VSIG1: variants seen among roughly 807,000 people sequenced by gnomAD.
VSIG1 encodes V-set and immunoglobulin domain containing 1.
Under a neutral mutation model 20.1 loss-of-function variants are expected in VSIG1, and 11 were observed. The ratio of observed to expected loss-of-function variants is 0.55; its 90% CI spans 0.34 to 0.91. The LOEUF (loss-of-function observed/expected upper bound fraction) is 0.91, where lower values mean the gene tolerates loss of function less well. Among genes scored for constraint, VSIG1 ranks in the 40% least tolerant of loss-of-function variants. VSIG1 has a pLI of 0.02. For synonymous variants in VSIG1, 126 were observed against 116.7 expected (o/e 1.08, Z -0.52); for missense variants, 283 against 298.8 (o/e 0.95, Z 0.39).
chrX:108,032,189 GTCAAC>G, the VSIG1 span, among the ~76,000 whole-genome samples: 1 of 112,512 alleles, frequency 8.9e-6, no homozygotes, highest in Non-Finnish European at 1.9e-5. Flanking sequence ...GTCATTTCAT[GTCAAC>G]TCATCTTTGT....
intron 3 of VSIG1, among the ~76,000 whole-genome samples, chrX:108,071,673 C>A (rs1286804004): frequency 9.0e-6 from 1 of 110,646 alleles, no homozygotes; most frequent in Non-Finnish European, 1.9e-5. Flanking sequence ...TCATCCCTCT[C>A]CCACCCCACT....
At chrX:108,024,441 T>C in the VSIG1 span, among the ~76,000 whole-genome samples, 1 of 109,719 alleles carries the variant, frequency 9.1e-6, no homozygotes, top group Admixed American at 9.8e-5. Flanking sequence ...CGCTATCTCA[T>C]TTATTTGTGC....
chrX:108,025,561 A>G, the VSIG1 span, among the ~76,000 whole-genome samples: 1 of 112,739 alleles, frequency 8.9e-6, no homozygotes, highest in South Asian at 3.6e-4. Context: ...ATATATGCGC[A>G]ATTGTGTGTG....
the VSIG1 span, among the ~76,000 whole-genome samples, chrX:108,027,569 A>T: frequency 8.9e-6 from 1 of 112,124 alleles, no homozygotes; most frequent in Non-Finnish European, 1.9e-5. Flanking sequence ...TTAGATGGTG[A>T]TGTTGGTTGC....
intron 3 of VSIG1, 136 bp from the exon 4 acceptor site, chrX:108,072,541 C>G: frequency 1.5e-6 from 1 of 653,972 alleles, no homozygotes; most frequent in South Asian, 3.3e-5. Flanking sequence ...GCATGAGCCA[C>G]TGCGCCTGGC....
At position 108,047,969 on chromosome X, in the gene VSIG1, T is replaced by TATATATACAC. The variant is rs1569287475; in HGVS notation, c.49+2797_49+2798insCACATATATA. Among the ~76,000 whole-genome samples the TATATATACAC allele has an allele frequency of 8.0e-3, 346 of 43,047 alleles. 25 individuals carry two copies. Among genetic ancestry groups the TATATATACAC allele is most frequent in the Non-Finnish European group, 0.012 (280 of 23,922 alleles). The allele number at this position is 43,047 out of a possible 115,157, so 37.4% of individuals were successfully genotyped here. ...ATATATATATACACACACATATATA[T>TATATATACAC]ATATATATATATATATATATATATA... is the stretch of plus-strand genomic sequence containing the variant. On this transcript the variant is annotated intron_variant, in intron 1 of 6. Coordinates refer to ENST00000217957, the MANE Select transcript of VSIG1 (RefSeq NM_182607.5).
the VSIG1 span, among the ~76,000 whole-genome samples, chrX:108,023,960 G>A: frequency 9.0e-6 from 1 of 111,569 alleles, no homozygotes; most frequent in Non-Finnish European, 1.9e-5. Flanking sequence ...TAGGGCAGGG[G>A]AAATGTGGCT....
At chrX:108,030,322 T>C in the VSIG1 span, among the ~76,000 whole-genome samples, 1 of 111,856 alleles carries the variant, frequency 8.9e-6, no homozygotes, top group Non-Finnish European at 1.9e-5. Flanking sequence ...AGAAAACAAG[T>C]TAACCTTTCC....
chrX:108,058,799 G>T (rs2030962820), intron 2 of VSIG1, among the ~76,000 whole-genome samples: 3 of 111,633 alleles, frequency 2.7e-5, no homozygotes, highest in Non-Finnish European at 5.7e-5. Flanking sequence ...TGCCAGAAAA[G>T]GATGGGTTGA....
chrX:108,057,178 G>A (rs779210662), intron 1 of VSIG1, among the ~76,000 whole-genome samples: 2 of 112,277 alleles, frequency 1.8e-5, no homozygotes, highest in South Asian at 3.7e-4. Context: ...TAACATTTAT[G>A]AAGTGACAGA....
At chrX:108,070,408 G>C (rs1255863177) in intron 3 of VSIG1, among the ~76,000 whole-genome samples, 1 of 111,052 alleles carries the variant, frequency 9.0e-6, no homozygotes, top group African/African-American at 3.3e-5. Context: ...TTTGGGACTT[G>C]GTTCAAAGTG....
intron 1 of VSIG1, among the ~76,000 whole-genome samples, chrX:108,047,967 T>TATATATACAC (rs2030684958): frequency 3.7e-5 from 1 of 27,103 alleles, no homozygotes; most frequent in Non-Finnish European, 6.9e-5. Context: ...CACACATATA[T>TATATATACAC]ATATATATAT....
chrX:108,030,754 G>A, the VSIG1 span, among the ~76,000 whole-genome samples: 16 of 111,620 alleles, frequency 1.4e-4, no homozygotes, highest in African/African-American at 4.6e-4. Flanking sequence ...CAGTTGGAAT[G>A]GTTGGAAATT....
intron 1 of VSIG1, among the ~76,000 whole-genome samples, chrX:108,057,225 G>C (rs1279209915): frequency 8.9e-6 from 1 of 112,270 alleles, no homozygotes; most frequent in Non-Finnish European, 1.9e-5. Context: ...GGTTGTCCAT[G>C]GTTAGGACAG....
the VSIG1 span, among the ~76,000 whole-genome samples, chrX:108,032,423 A>G: frequency 1.8e-5 from 2 of 112,010 alleles, no homozygotes; most frequent in African/African-American, 6.5e-5. Context: ...GCAGGAATGA[A>G]CATACCAGAT....
chrX:108,018,890 T>C, the VSIG1 span, among the ~76,000 whole-genome samples: 5 of 111,829 alleles, frequency 4.5e-5, no homozygotes, highest in East Asian at 1.4e-3. Context: ...AGCTAGTCTT[T>C]GGGCCCTCGT....
At chrX:108,032,270 G>T in the VSIG1 span, among the ~76,000 whole-genome samples, 1 of 112,200 alleles carries the variant, frequency 8.9e-6, no homozygotes, top group African/African-American at 3.2e-5. Context: ...TTTAGAAAAC[G>T]AATAAATGGA....
Position 108,076,186 on chromosome X carries a change from A to G in VSIG1, c.798A>G (p.Lys266=), listed in dbSNP as rs1483933851. The change falls in exon 6 of 7, where the codon AAA becomes AAG. Residue 266 remains lysine (K), a synonymous_variant. Transcript: ENST00000217957. ...FARNKAKAKA[K]ERNSKTIAEL... is the part of the protein sequence containing the mutation. ...GGAATAAGGCAAAAGCAAAGGCAAA[A>G]GAAAGAAATTCTAAGACCATCGCGG... The G allele has an allele frequency of 8.3e-7, 1 of 1,210,954 alleles. No individual in the cohort carries two copies. The highest frequency in any genetic ancestry group is 1.7e-5 in the African/African-American group (1 of 57,881).
At chrX:108,059,559 T>C (rs1308374975) in intron 2 of VSIG1, among the ~76,000 whole-genome samples, 1 of 111,868 alleles carries the variant, frequency 8.9e-6, no homozygotes, top group Non-Finnish European at 1.9e-5. Flanking sequence ...GTAAGTTTTA[T>C]CCCTTGTAAA....
Sources: allele counts gnomAD v4.1 joint callset (sites outside exome capture counted in the v4.1 genomes callset), GRCh38; gene constraint gnomAD v4.1.1; transcripts MANE v1.5; gene names NCBI Gene and HGNC (gene_info 2026-07-23, HGNC 2026-07-21).